The following IL1RAPL1 variants were observed in gnomAD, a reference collection of about 807,000 sequenced individuals.
IL1RAPL1 encodes interleukin 1 receptor accessory protein like 1, also known as interleukin-1 receptor accessory protein-like 1.
IL1RAPL1 carries 3 observed loss-of-function variants against 48.4 expected under a neutral mutation model. That is an observed-to-expected ratio of 0.06 (90% CI 0.03 to 0.16). The LOEUF (loss-of-function observed/expected upper bound fraction) is 0.16, where lower values mean the gene tolerates loss of function less well. Among genes scored for constraint, IL1RAPL1 ranks in the 10% least tolerant of loss-of-function variants. The probability of loss-of-function intolerance (pLI) is 1.00; values close to 1 mark genes in which losing one functional copy is unlikely to be tolerated. For missense variants in IL1RAPL1, 349 were observed against 530.6 expected, an observed-to-expected ratio of 0.66 and a Z score of 3.36; for synonymous variants, 185 against 187.7, an observed-to-expected ratio of 0.99 and a Z score of 0.12.
intron 6 of IL1RAPL1, among the ~76,000 whole-genome samples, chrX:29,750,934 T>C (rs1388924216): frequency 9.0e-6 from 1 of 111,358 alleles, no homozygotes; most frequent in African/African-American, 3.3e-5. Flanking sequence ...CATCCATAAA[T>C]TGAGAATTGG....
chrX:28,973,193 A>G (rs1489952955), intron 2 of IL1RAPL1, among the ~76,000 whole-genome samples: 2 of 111,917 alleles, frequency 1.8e-5, no homozygotes, highest in South Asian at 3.7e-4. Context: ...ATAAGTCACC[A>G]TGACTGCTTG....
intron 6 of IL1RAPL1, among the ~76,000 whole-genome samples, chrX:29,803,021 A>G (rs1470916427): frequency 1.8e-5 from 1 of 55,673 alleles, no homozygotes; most frequent in African/African-American, 7.5e-5. Context: ...ATATGTGTAC[A>G]TATACATGTA....
intron 2 of IL1RAPL1, among the ~76,000 whole-genome samples, chrX:29,274,962 C>T (rs997665762): frequency 3.6e-5 from 4 of 109,854 alleles, no homozygotes; most frequent in African/African-American, 1.3e-4. Flanking sequence ...TCCTTTGCTA[C>T]TTCTTTTTTT....
intron 5 of IL1RAPL1, among the ~76,000 whole-genome samples, chrX:29,612,146 C>A (rs1924115249): frequency 9.0e-6 from 1 of 111,123 alleles, no homozygotes. Context: ...TAAAGAACCA[C>A]CCTCTTCTAC....
intron 2 of IL1RAPL1, among the ~76,000 whole-genome samples, chrX:29,154,846 A>G (rs1285279201): frequency 9.0e-6 from 1 of 111,536 alleles, no homozygotes; most frequent in Non-Finnish European, 1.9e-5. Flanking sequence ...TTATGAAAAG[A>G]TATTTTCAAA....
chrX:28,671,670 G>A (rs1934947763), intron 1 of IL1RAPL1, among the ~76,000 whole-genome samples: 1 of 112,421 alleles, frequency 8.9e-6, no homozygotes, highest in South Asian at 3.7e-4. Context: ...TTCTGCCAGA[G>A]GTACTAGACC....
chrX:28,725,133 G>A lies in IL1RAPL1; in HGVS notation c.-24-64187G>A, dbSNP rs190785354. Among the ~76,000 whole-genome samples, 304 of 109,017 alleles carry A rather than the reference G, an allele frequency of 2.8e-3. 1 individual carries two copies. The highest frequency in any genetic ancestry group is 9.6e-3 in the African/African-American group (287 of 29,903). 94.7% of individuals were successfully genotyped at this position (109,017 alleles called of 115,157 possible). A position where few individuals can be genotyped will look rare whatever the true frequency, so the allele number is the denominator to read the frequency against. ...GCCCGGCTAATTTTTTGTATTTTTA[G>A]TAGAGACGAGGTTTCACCGTGTTAG... On this transcript the variant is annotated intron_variant, in intron 1 of 10. Transcript: ENST00000378993.
intron 2 of IL1RAPL1, among the ~76,000 whole-genome samples, chrX:29,205,493 A>G (rs998613773): frequency 3.6e-5 from 4 of 110,764 alleles, no homozygotes; most frequent in African/African-American, 1.3e-4. Context: ...AGTGTGGTAG[A>G]TTCTGGATTC....
chrX:29,217,698 T>C (rs184203698), intron 2 of IL1RAPL1, among the ~76,000 whole-genome samples: 18 of 109,649 alleles, frequency 1.6e-4, no homozygotes, highest in Non-Finnish European at 2.8e-4. Context: ...TTGAAATTAC[T>C]GATTGAACTC....
At chrX:28,682,703 A>G (rs759581999) in intron 1 of IL1RAPL1, among the ~76,000 whole-genome samples, 5 of 112,063 alleles carry the variant, frequency 4.5e-5, no homozygotes, top group Non-Finnish European at 7.5e-5. Context: ...CTTACTATTT[A>G]CAAAATAGAA....
intron 5 of IL1RAPL1, among the ~76,000 whole-genome samples, chrX:29,482,861 C>A (rs1178652358): frequency 8.9e-6 from 1 of 111,874 alleles, no homozygotes; most frequent in Admixed American, 9.5e-5. Context: ...TCATTTTATT[C>A]CATCGATTCT....
At chrX:29,911,972 G>A (rs994602096) in intron 6 of IL1RAPL1, among the ~76,000 whole-genome samples, 1 of 112,103 alleles carries the variant, frequency 8.9e-6, no homozygotes, top group African/African-American at 3.2e-5. Context: ...TCCACCATAC[G>A]GATACTATAG....
chrX:29,202,116 A>G (rs1344407350), intron 2 of IL1RAPL1, among the ~76,000 whole-genome samples: 1 of 112,720 alleles, frequency 8.9e-6, no homozygotes, highest in African/African-American at 3.2e-5. Context: ...AAACTATGCA[A>G]CCGACAAAGG....
At chrX:29,229,403 TA>T (rs1303864940) in intron 2 of IL1RAPL1, among the ~76,000 whole-genome samples, 1,156 of 105,288 alleles carry the variant, frequency 0.011, 18 homozygotes, top group African/African-American at 0.035. Context: ...TGATAATTTT[TA>T]AAAAAAAAAA....
At chrX:29,649,517 C>G (rs1200452054) in intron 5 of IL1RAPL1, among the ~76,000 whole-genome samples, 1 of 111,677 alleles carries the variant, frequency 9.0e-6, no homozygotes, top group Non-Finnish European at 1.9e-5. Flanking sequence ...TCAATAGTTG[C>G]AGAAAAAGCA....
At chrX:29,437,804 A>G (rs758692227) in intron 5 of IL1RAPL1, among the ~76,000 whole-genome samples, 42 of 110,086 alleles carry the variant, frequency 3.8e-4, no homozygotes, top group African/African-American at 1.3e-3. Flanking sequence ...TTCATATATC[A>G]CTCAATATGA....
chrX:29,608,776 A>G (rs1222723014), intron 5 of IL1RAPL1, among the ~76,000 whole-genome samples: 2 of 105,942 alleles, frequency 1.9e-5, no homozygotes, highest in African/African-American at 7.0e-5. Flanking sequence ...CAGTGAGCCG[A>G]GATCTCACCA....
At chrX:28,860,556 C>G (rs971378868) in intron 2 of IL1RAPL1, among the ~76,000 whole-genome samples, 5 of 107,609 alleles carry the variant, frequency 4.6e-5, no homozygotes, top group Non-Finnish European at 9.6e-5. Context: ...CTCCTGGGTT[C>G]AAGCAATTCT....
intron 2 of IL1RAPL1, among the ~76,000 whole-genome samples, chrX:28,940,963 C>A (rs974748801): frequency 3.6e-5 from 4 of 110,609 alleles, no homozygotes; most frequent in African/African-American, 9.8e-5. Flanking sequence ...AAAAAATAAG[C>A]CACTATATAT....
Sources: gnomAD v4.1 joint callset for allele counts (sites outside exome capture counted in the v4.1 genomes callset) on GRCh38, gnomAD v4.1.1 for gene constraint, MANE v1.5 for transcripts, NCBI Gene and HGNC (gene_info 2026-07-23, HGNC 2026-07-21) for gene names.